Variants in PTPRD observed in about 807,000 individuals in gnomAD.
PTPRD encodes the protein protein tyrosine phosphatase receptor type D.
PTPRD carries 34 observed loss-of-function variants against 214.5 expected under a neutral mutation model. The observed-to-expected ratio is 0.16, with a 90% CI of 0.12 to 0.21. The LOEUF is 0.21. Ranked by LOEUF, PTPRD falls within the 10% of genes least tolerant of loss-of-function variation. The probability of loss-of-function intolerance (pLI) is 1.00; values close to 1 mark genes in which losing one functional copy is unlikely to be tolerated. For missense variants in PTPRD, 2,545 were observed against 2,398.7 expected, an observed-to-expected ratio of 1.06 and a Z score of -1.27; for synonymous variants, 1,128 against 845.7, an observed-to-expected ratio of 1.33 and a Z score of -5.79.
chr9:9,288,310 G>A (rs2133962884), intron 9 of PTPRD, among the ~76,000 whole-genome samples: 1 of 151,888 alleles, frequency 6.6e-6, no homozygotes, highest in Admixed American at 6.6e-5. Flanking sequence ...TGCTATGTAT[G>A]TAAAATATAA....
chr9:8,759,506 C>A (rs1428264090), intron 11 of PTPRD, among the ~76,000 whole-genome samples: 2 of 152,098 alleles, frequency 1.3e-5, no homozygotes, highest in African/African-American at 4.8e-5. Context: ...CCTGACAATA[C>A]ACTGACTTTA....
intron 3 of PTPRD, among the ~76,000 whole-genome samples, chr9:10,123,790 G>T (rs895017498): frequency 6.6e-6 from 1 of 152,166 alleles, no homozygotes; most frequent in Non-Finnish European, 1.5e-5. Context: ...TGCCAGTACT[G>T]TGTTTTAGTT....
chr9:9,964,728 A>G (rs1452019916), intron 4 of PTPRD, among the ~76,000 whole-genome samples: 1 of 152,214 alleles, frequency 6.6e-6, no homozygotes, highest in Non-Finnish European at 1.5e-5. Context: ...AAAAAAATAC[A>G]TTCATTTTTA....
intron 5 of PTPRD, among the ~76,000 whole-genome samples, chr9:9,857,822 G>A (rs2061845857): frequency 6.6e-6 from 1 of 152,136 alleles, no homozygotes; most frequent in South Asian, 2.1e-4. Context: ...ATCACATTTA[G>A]TATTTGTCTT....
chr9:10,125,787 T>A (rs1049971098), intron 3 of PTPRD, among the ~76,000 whole-genome samples: 3 of 152,008 alleles, frequency 2.0e-5, no homozygotes, highest in African/African-American at 7.2e-5. Flanking sequence ...CATCTTCTTT[T>A]TAAAAAATAT....
intron 10 of PTPRD, among the ~76,000 whole-genome samples, chr9:9,145,094 T>C (rs914280499): frequency 2.6e-5 from 4 of 152,190 alleles, no homozygotes; most frequent in Admixed American, 6.5e-5. Context: ...CATACACTAG[T>C]GTAATTAGGT....
At chr9:9,710,382 G>A (rs985773720) in intron 7 of PTPRD, among the ~76,000 whole-genome samples, 1 of 151,970 alleles carries the variant, frequency 6.6e-6, no homozygotes, top group Non-Finnish European at 1.5e-5. Context: ...TGGGAAAGGT[G>A]ATTAAGAAAC....
At chr9:9,617,329 G>T (rs564006091) in intron 7 of PTPRD, among the ~76,000 whole-genome samples, 1 of 152,260 alleles carries the variant, frequency 6.6e-6, no homozygotes, top group Non-Finnish European at 1.5e-5. Context: ...ATTGGAGGTA[G>T]AGTTATGAAA....
intron 14 of PTPRD, among the ~76,000 whole-genome samples, chr9:8,574,722 C>A (rs1321016753): frequency 6.6e-6 from 1 of 152,040 alleles, no homozygotes; most frequent in African/African-American, 2.4e-5. Context: ...AAATATCCAT[C>A]TTCAGCCAGA....
chr9:9,639,160 T>A (rs745379435), intron 7 of PTPRD, among the ~76,000 whole-genome samples: 10 of 152,176 alleles, frequency 6.6e-5, no homozygotes, highest in South Asian at 2.1e-4. Context: ...CACTTTGATT[T>A]GGGGTCTGCA....
At chr9:8,481,296 T>C (rs532950559) in intron 30 of PTPRD, among the ~76,000 whole-genome samples, 14 of 137,824 alleles carry the variant, frequency 1.0e-4, no homozygotes, top group Non-Finnish European at 1.9e-4. Context: ...ATTTTAGTAA[T>C]AATCTTTTTG....
At chr9:9,720,921 G>A (rs1268105876) in intron 7 of PTPRD, among the ~76,000 whole-genome samples, 1 of 152,198 alleles carries the variant, frequency 6.6e-6, no homozygotes, top group Non-Finnish European at 1.5e-5. Context: ...CTTCAAAGTG[G>A]GAGGTAAATG....
At chr9:10,147,281 T>C (rs1444620420) in intron 3 of PTPRD, among the ~76,000 whole-genome samples, 1 of 152,054 alleles carries the variant, frequency 6.6e-6, no homozygotes, top group Non-Finnish European at 1.5e-5. Flanking sequence ...TTTATTATTA[T>C]ACTTTAAGTT....
chr9:9,904,522 G>T lies in PTPRD; in HGVS notation c.-368+33985C>A, dbSNP rs573545624. Among the ~76,000 whole-genome samples the T allele has an allele frequency of 5.3e-5, 8 of 152,006 alleles. No homozygotes were observed. The South Asian group carries it at 1.0e-3, about 20-fold the overall frequency. On this transcript the variant is annotated intron_variant, in intron 5 of 45. Coordinates refer to ENST00000381196, the MANE Select transcript of PTPRD (RefSeq NM_002839.4). ...CAAAGGGTAAGATCACAAACCAAAGGTTATGCTCTCAACTGTATCACTAAA... is the reference window on the plus strand; with the variant it reads ...CAAAGGGTAAGATCACAAACCAAAGTTTATGCTCTCAACTGTATCACTAAA...
chr9:8,616,330 G>A lies in PTPRD; in HGVS notation c.352+16987C>T, dbSNP rs115084925. Among the ~76,000 whole-genome samples the A allele has an allele frequency of 5.3e-3, 805 of 152,120 alleles. 14 individuals are homozygous for A. The highest frequency in any genetic ancestry group is 0.019 in the African/African-American group (772 of 41,522). ...GTTGTAACATGGCAGATGAGCTAGA[G>A]GAAAACTCCTTTAAAATTTCATCTA... is the stretch of plus-strand genomic sequence containing the variant. On this transcript the variant is annotated intron_variant, in intron 14 of 45. Coordinates refer to ENST00000381196, the MANE Select transcript of PTPRD (RefSeq NM_002839.4).
chr9:8,447,561 T>A (rs986421464), intron 34 of PTPRD, among the ~76,000 whole-genome samples: 12 of 152,350 alleles, frequency 7.9e-5, no homozygotes, highest in African/African-American at 2.6e-4. Flanking sequence ...AGAAGTCTCC[T>A]GGTTGAAGAC....
intron 2 of PTPRD, among the ~76,000 whole-genome samples, chr9:10,475,181 T>G (rs1310464903): frequency 6.6e-6 from 1 of 151,954 alleles, no homozygotes; most frequent in Non-Finnish European, 1.5e-5. Context: ...CTTCAAAAAA[T>G]CAGTGAATCC....
chr9:9,323,594 T>A (rs1338964144), intron 9 of PTPRD, among the ~76,000 whole-genome samples: 1 of 152,190 alleles, frequency 6.6e-6, no homozygotes, highest in African/African-American at 2.4e-5. Context: ...ACCATCATAC[T>A]ATCTTATCTC....
chr9:8,394,913 G>T (rs189777556), intron 36 of PTPRD, among the ~76,000 whole-genome samples: 1 of 152,180 alleles, frequency 6.6e-6, no homozygotes, highest in East Asian at 1.9e-4. Flanking sequence ...TCTGTCCATG[G>T]AAAGAAGCTC....
Sources: gnomAD v4.1 joint callset for allele counts (sites outside exome capture counted in the v4.1 genomes callset) on GRCh38, gnomAD v4.1.1 for gene constraint, MANE v1.5 for transcripts, NCBI Gene and HGNC (gene_info 2026-07-23, HGNC 2026-07-21) for gene names.